The following UCHL1 variants were observed in gnomAD, a reference collection of about 807,000 sequenced individuals.
UCHL1 encodes the protein ubiquitin C-terminal hydrolase L1, also known as ubiquitin carboxyl-terminal hydrolase isozyme L1.
In UCHL1, 5 loss-of-function variants were observed where a neutral mutation model predicts 33.3. The ratio of observed to expected loss-of-function variants is 0.15; its 90% CI spans 0.08 to 0.32. The LOEUF (loss-of-function observed/expected upper bound fraction) is 0.32. Among genes scored for constraint, UCHL1 ranks in the 10% least tolerant of loss-of-function variants. UCHL1 has a pLI of 1.00. For missense variants in UCHL1, 236 were observed against 280.0 expected, an observed-to-expected ratio of 0.84 and a Z score of 1.12; for synonymous variants, 132 against 108.8, an observed-to-expected ratio of 1.21 and a Z score of -1.33.
chr4:41,264,499 C>G, intron 8 of UCHL1: 1 of 393,568 alleles, frequency 2.5e-6, no homozygotes, highest in Middle Eastern at 8.1e-4. Context: ...ACTCACAAAA[C>G]AGCAGCCTTT....
rs1332166419 is a variant in UCHL1, at chr4:41,257,750, G to A, written c.174+13G>A. ...CCTCACGGCCCAGGTAGGGCGTGGGGCCCAGGATGCGCCGGCCGCCGGCAG... is the reference window on the plus strand; with the variant it reads ...CCTCACGGCCCAGGTAGGGCGTGGGACCCAGGATGCGCCGGCCGCCGGCAG... On this transcript the variant is annotated intron_variant, in intron 3 of 8. Coordinates refer to ENST00000284440, the MANE Select transcript of UCHL1 (RefSeq NM_004181.5). The A allele has an allele frequency of 6.4e-7, 1 of 1,566,128 alleles. No homozygotes were observed. The highest frequency in any genetic ancestry group is 8.6e-7 in the Non-Finnish European group (1 of 1,161,496).
chr4:41,267,307 G>C (rs896264471), intron 8 of UCHL1, among the ~76,000 whole-genome samples: 1 of 151,898 alleles, frequency 6.6e-6, no homozygotes, highest in Non-Finnish European at 1.5e-5. Context: ...GTAGTGGCGC[G>C]ATCTCGCCTC....
Position 41,260,636 on chromosome 4 carries a change from TAC to T in UCHL1, c.175-9_175-8del. 1 of 1,614,182 alleles carries T rather than the reference TAC, an allele frequency of 6.2e-7. No homozygotes were observed. The highest frequency in any genetic ancestry group is 8.5e-7 in the Non-Finnish European group (1 of 1,180,016). On this transcript the variant is annotated splice_polypyrimidine_tract_variant and intron_variant, in intron 3 of 8. Coordinates refer to ENST00000284440, the MANE Select transcript of UCHL1 (RefSeq NM_004181.5). Reference sequence around the variant, plus strand: ...CATTCTGAGATGTAAAAACGCTTTTTACATTCGCAGCATGAGAACTTCAGGAA... The same window carrying T: ...CATTCTGAGATGTAAAAACGCTTTTTATTCGCAGCATGAGAACTTCAGGAA...
Position 41,257,011 on chromosome 4 carries a change from TGAGCGCCAGGTGCACCGCTACCCGGA to T in UCHL1, c.33+9_33+34del. 1 of 1,614,076 alleles carries T rather than the reference TGAGCGCCAGGTGCACCGCTACCCGGA, an allele frequency of 6.2e-7. No individual in the cohort carries two copies. Among genetic ancestry groups the T allele is most frequent in the Admixed American group, 1.7e-5 (1 of 60,034 alleles). On this transcript the variant is annotated splice_donor_5th_base_variant and intron_variant, in intron 1 of 8. Transcript: ENST00000284440. ...AAGCCGATGGAGATCAACCCCGAGGTGAGCGCCAGGTGCACCGCTACCCGGAGAGCGCGAGGCCGAGGGAGGGGGAG... is the reference window on the plus strand; with the variant it reads ...AAGCCGATGGAGATCAACCCCGAGGTGAGCGCGAGGCCGAGGGAGGGGGAG...
intron 3 of UCHL1, among the ~76,000 whole-genome samples, chr4:41,259,480 A>C (rs1447172101): frequency 6.6e-6 from 1 of 152,220 alleles, no homozygotes; most frequent in Non-Finnish European, 1.5e-5. Flanking sequence ...GGATCCAGTT[A>C]GATAGAAGCG....
chr4:41,261,958 G>C, intron 6 of UCHL1, 35 bp downstream of exon 6: 1 of 1,611,302 alleles, frequency 6.2e-7, no homozygotes, highest in Non-Finnish European at 8.5e-7. Flanking sequence ...CAGGCTGCCT[G>C]GGTGCCATCT....
intron 3 of UCHL1, among the ~76,000 whole-genome samples, chr4:41,258,380 C>G (rs750558858): frequency 6.6e-6 from 1 of 152,204 alleles, no homozygotes; most frequent in Non-Finnish European, 1.5e-5. Context: ...TCATCTCTGA[C>G]CTTGTAGCTA....
At chr4:41,258,510 T>C (rs1781019940) in intron 3 of UCHL1, among the ~76,000 whole-genome samples, 1 of 152,202 alleles carries the variant, frequency 6.6e-6, no homozygotes, top group African/African-American at 2.4e-5. Flanking sequence ...AGATTTTTTT[T>C]TTTAAAGGAT....
At chr4:41,267,692 TTG>T (rs921702795) in intron 8 of UCHL1, among the ~76,000 whole-genome samples, 8 of 152,306 alleles carry the variant, frequency 5.3e-5, no homozygotes, top group African/African-American at 1.9e-4. Context: ...ACGTTCATAG[TTG>T]TGTTTTTGTT....
chr4:41,263,343 G>A, intron 7 of UCHL1, 52 bp downstream of exon 7: 1 of 1,518,848 alleles, frequency 6.6e-7, no homozygotes, highest in East Asian at 2.3e-5. Flanking sequence ...TGTTCTTTCA[G>A]ACTGAATTTC....
rs1278811254 is a variant in UCHL1, at chr4:41,261,923, G to A, written c.459G>A (p.Arg153=). The A allele has an allele frequency of 5.0e-6, 8 of 1,614,056 alleles. No homozygotes were observed. Among genetic ancestry groups the A allele is most frequent in the Non-Finnish European group, 5.9e-6 (7 of 1,179,996 alleles). The change falls in exon 6 of 9, where the codon CGG becomes CGA. Residue 153 remains arginine (R), a splice_region_variant and synonymous_variant. Coordinates refer to ENST00000284440, the MANE Select transcript of UCHL1 (RefSeq NM_004181.5). ...HDAVAQEGQC[R]VDDKVNFHFI... is the part of the protein sequence containing the mutation. ...CCGTGGCACAGGAAGGCCAATGTCG[G>A]GTAAATGCAAATACAAATCGGAGCC... is the stretch of plus-strand genomic sequence containing the variant.
In UCHL1 at chr4:41,256,954, T is replaced by C. The variant is rs745572268; in HGVS notation, c.-23T>C. The stretch of plus-strand genomic sequence containing the variant: ...GCTGTTTTTCGTCTTCCCTAGGCTA[T>C]TTCTGCCGGGCGCTCCGCGAAGATG... On this transcript the variant is annotated 5_prime_UTR_variant, in exon 1 of 9. Coordinates refer to ENST00000284440, the MANE Select transcript of UCHL1 (RefSeq NM_004181.5). The C allele has an allele frequency of 1.2e-6, 2 of 1,614,140 alleles. No individual in the cohort carries two copies. Among genetic ancestry groups the C allele is most frequent in the East Asian group, 2.2e-5 (1 of 44,876 alleles).
chr4:41,262,028 C>T, intron 6 of UCHL1, 105 bp downstream of exon 6: 1 of 1,486,752 alleles, frequency 6.7e-7, no homozygotes, highest in Non-Finnish European at 9.1e-7. Context: ...GTTATCCACC[C>T]AAGGCCAAAT....
intron 8 of UCHL1, among the ~76,000 whole-genome samples, chr4:41,265,050 T>C (rs988965833): frequency 1.3e-5 from 2 of 152,172 alleles, no homozygotes; most frequent in African/African-American, 2.4e-5. Context: ...CAGCAGCCCA[T>C]AGACACTCTC....
At chr4:41,267,182 A>T (rs938285226) in intron 8 of UCHL1, among the ~76,000 whole-genome samples, 12 of 152,010 alleles carry the variant, frequency 7.9e-5, no homozygotes, top group African/African-American at 2.9e-4. Context: ...ATCAATCTCT[A>T]AGGTTCCATG....
chr4:41,256,958 T>A lies in UCHL1; in HGVS notation c.-19T>A. The A allele has an allele frequency of 6.2e-7, 1 of 1,614,158 alleles. No homozygotes were observed. The highest frequency in any genetic ancestry group is 1.3e-5 in the African/African-American group (1 of 75,062). ...TTTTTCGTCTTCCCTAGGCTATTTC[T>A]GCCGGGCGCTCCGCGAAGATGCAGC... On this transcript the variant is annotated 5_prime_UTR_variant, in exon 1 of 9. Coordinates refer to ENST00000284440, the MANE Select transcript of UCHL1 (RefSeq NM_004181.5).
In UCHL1 at chr4:41,257,135, C is replaced by G; in HGVS notation, c.45+9C>G. 1 of 1,612,246 alleles carries G rather than the reference C, an allele frequency of 6.2e-7. No homozygotes were observed. Among genetic ancestry groups the G allele is most frequent in the Non-Finnish European group, 8.5e-7 (1 of 1,179,844 alleles). ...TTCAGATGCTGAACAAAGTGAGTGG[C>G]GTCTCGCGCCGTCTCTGGCCCCCTC... is the stretch of plus-strand genomic sequence containing the variant. On this transcript the variant is annotated intron_variant, in intron 2 of 8. Transcript: ENST00000284440.
rs1781000665 is a variant in UCHL1, at chr4:41,257,602, T to G, written c.46-7T>G. The stretch of plus-strand genomic sequence containing the variant: ...GTGCGCCTGGCCGCCTTGTCTCCTC[T>G]CCGCAGGTGCTGTCCCGGCTGGGGG... On this transcript the variant is annotated splice_region_variant and splice_polypyrimidine_tract_variant and intron_variant, in intron 2 of 8. Transcript: ENST00000284440. The G allele has an allele frequency of 6.5e-7, 1 of 1,528,320 alleles. No individual in the cohort carries two copies. Among genetic ancestry groups the G allele is most frequent in the Non-Finnish European group, 8.7e-7 (1 of 1,144,886 alleles). 94.7% of individuals were successfully genotyped at this position (1,528,320 alleles called of 1,614,324 possible). A position where few individuals can be genotyped will look rare whatever the true frequency, so the allele number is the denominator to read the frequency against.
chr4:41,262,063 A>G, intron 6 of UCHL1, 140 bp downstream of exon 6: 3 of 1,249,408 alleles, frequency 2.4e-6, no homozygotes, highest in Non-Finnish European at 3.4e-6. Context: ...CTACCCAAAT[A>G]ATGCTTTGAC....
Sources: gnomAD v4.1 joint callset for allele counts (sites outside exome capture counted in the v4.1 genomes callset) on GRCh38, gnomAD v4.1.1 for gene constraint, MANE v1.5 for transcripts, NCBI Gene and HGNC (gene_info 2026-07-23, HGNC 2026-07-21) for gene names.